The following AGBL3 variants were observed in gnomAD, a reference collection of about 807,000 sequenced individuals.
AGBL3 encodes AGBL carboxypeptidase 3, also known as cytosolic carboxypeptidase 3.
In AGBL3, 68 loss-of-function variants were observed where a neutral mutation model predicts 94.5. That is an observed-to-expected ratio of 0.72 (90% CI 0.59 to 0.88). The LOEUF (loss-of-function observed/expected upper bound fraction) is 0.88. AGBL3 is among the 40% of genes least tolerant of loss of function. The pLI is 0.00. For missense variants in AGBL3, 934 were observed against 1,103.8 expected (o/e 0.85, Z 2.18); for synonymous variants, 354 against 370.7 (o/e 0.95, Z 0.52).
At chr7:135,100,228 T>C (rs769516367) in intron 15 of AGBL3, 1 of 151,802 alleles carries the variant, frequency 6.6e-6, no homozygotes, top group Non-Finnish European at 1.5e-5. Flanking sequence ...ATAAGATAAT[T>C]ATCTAGCACT....
chr7:135,110,401 G>T (rs1012605338), intron 15 of AGBL3, among the ~76,000 whole-genome samples: 3 of 152,130 alleles, frequency 2.0e-5, no homozygotes, highest in Admixed American at 1.3e-4. Context: ...AAAGCTCCTG[G>T]GGCTCTGTAT....
intron 12 of AGBL3, among the ~76,000 whole-genome samples, chr7:135,062,618 G>A (rs1186544790): frequency 1.3e-5 from 2 of 152,044 alleles, no homozygotes; most frequent in African/African-American, 4.8e-5. Context: ...ATATTGAGAT[G>A]ATCATAGGGT....
At chr7:135,046,017 G>C (rs1817325728) in intron 11 of AGBL3, 106 bp downstream of exon 11, 1 of 788,694 alleles carries the variant, frequency 1.3e-6, no homozygotes. Flanking sequence ...AATCCCAACT[G>C]TAAGTGGTGG....
intron 4 of AGBL3, among the ~76,000 whole-genome samples, chr7:134,996,257 C>T (rs1584763030): frequency 6.6e-6 from 1 of 152,124 alleles, no homozygotes; most frequent in East Asian, 1.9e-4. Context: ...CTATGTGATG[C>T]ATCTTAGCTT....
intron 4 of AGBL3, among the ~76,000 whole-genome samples, chr7:134,999,091 G>A (rs1811379835): frequency 6.6e-6 from 1 of 152,150 alleles, no homozygotes; most frequent in Non-Finnish European, 1.5e-5. Flanking sequence ...CCATTTTGAT[G>A]TGATATCTTT....
At chr7:135,122,170 A>G (rs1309955959) in intron 16 of AGBL3, among the ~76,000 whole-genome samples, 1 of 152,160 alleles carries the variant, frequency 6.6e-6, no homozygotes, top group African/African-American at 2.4e-5. Flanking sequence ...ATCCATCTCT[A>G]TAGCTCCAGG....
chr7:135,086,163 G>A (rs190671563), intron 15 of AGBL3, among the ~76,000 whole-genome samples: 6 of 152,064 alleles, frequency 3.9e-5, no homozygotes, highest in Admixed American at 1.3e-4. Context: ...AAATACCACT[G>A]ATCTTTGTAT....
chr7:135,048,129 C>G (rs1325109148), intron 11 of AGBL3, among the ~76,000 whole-genome samples: 2 of 151,816 alleles, frequency 1.3e-5, no homozygotes, highest in African/African-American at 4.8e-5. Flanking sequence ...CATTGTGTAT[C>G]CTTGGCACCC....
At chr7:135,090,122 A>G (rs1563252744) in intron 15 of AGBL3, among the ~76,000 whole-genome samples, 1 of 152,144 alleles carries the variant, frequency 6.6e-6, no homozygotes, top group East Asian at 1.9e-4. Flanking sequence ...ACCTGAGGCA[A>G]TAAGACTCAG....
At chr7:135,108,019 A>G (rs1825020443) in intron 15 of AGBL3, among the ~76,000 whole-genome samples, 1 of 151,878 alleles carries the variant, frequency 6.6e-6, no homozygotes, top group African/African-American at 2.4e-5. Flanking sequence ...GGTGGTCTGA[A>G]ATTAGGATTG....
At chr7:135,008,575 C>T (rs1442036197) in intron 4 of AGBL3, among the ~76,000 whole-genome samples, 1 of 149,672 alleles carries the variant, frequency 6.7e-6, no homozygotes, top group Non-Finnish European at 1.5e-5. Flanking sequence ...TTGGATTTGG[C>T]AATGGATTCT....
chr7:135,004,796 CTGAG>C (rs1364816578), intron 4 of AGBL3, among the ~76,000 whole-genome samples: 1 of 151,366 alleles, frequency 6.6e-6, no homozygotes, highest in Non-Finnish European at 1.5e-5. Flanking sequence ...TTTTTCTCCC[CTGAG>C]TATGTTGGTA....
intron 5 of AGBL3, among the ~76,000 whole-genome samples, chr7:135,018,046 G>A (rs1399209153): frequency 6.6e-6 from 1 of 152,158 alleles, no homozygotes; most frequent in Non-Finnish European, 1.5e-5. Context: ...CATACTCAGA[G>A]TAATTTAATA....
At chr7:134,990,457 A>C (rs1199132406) in intron 3 of AGBL3, among the ~76,000 whole-genome samples, 2 of 152,206 alleles carry the variant, frequency 1.3e-5, no homozygotes, top group Non-Finnish European at 2.9e-5. Context: ...GAGGTATTCC[A>C]TTATGTGAAT....
Position 135,125,122 on chromosome 7 carries a change from T to A in AGBL3, c.2342+9511T>A, listed in dbSNP as rs181846049. Among the ~76,000 whole-genome samples the A allele has an allele frequency of 7.2e-3, 1,094 of 151,678 alleles. 15 individuals carry two copies. Among genetic ancestry groups the A allele is most frequent in the African/African-American group, 0.025 (1,020 of 41,360 alleles). On this transcript the variant is annotated intron_variant, in intron 16 of 16. Transcript: ENST00000436302. ...TCACTGACTCCAGCAGCTGTTTTTT[T>A]AAAAAAATTAACAAAATAGACCACT...
At chr7:135,070,823 G>A (rs1440810392) in intron 12 of AGBL3, among the ~76,000 whole-genome samples, 1 of 152,036 alleles carries the variant, frequency 6.6e-6, no homozygotes, top group East Asian at 1.9e-4. Flanking sequence ...CACAAGACAG[G>A]GATGCCCTCT....
Position 135,086,008 on chromosome 7 carries a change from T to C in AGBL3, c.2110+4218T>C, listed in dbSNP as rs145153378. 2.6e-3 allele frequency among the ~76,000 whole-genome samples: 390 copies of C among 152,162 alleles called. 1 individual carries two copies. The highest frequency in any genetic ancestry group is 8.7e-3 in the African/African-American group (363 of 41,572). Reference sequence around the variant, plus strand: ...TGTCTATTTGTATCCTCCTCAATTTTTTTCATCAGTGTTGTATAGTTTTCC... The same window carrying C: ...TGTCTATTTGTATCCTCCTCAATTTCTTTCATCAGTGTTGTATAGTTTTCC... On this transcript the variant is annotated intron_variant, in intron 15 of 16. Coordinates refer to ENST00000436302, the MANE Select transcript of AGBL3 (RefSeq NM_178563.4).
chr7:135,021,164 CA>C, intron 5 of AGBL3, among the ~76,000 whole-genome samples: 1 of 152,116 alleles, frequency 6.6e-6, no homozygotes, highest in Non-Finnish European at 1.5e-5. Context: ...CATTCTGTTC[CA>C]TTGATGTATT....
At chr7:135,084,735 T>C (rs1821195051) in intron 15 of AGBL3, among the ~76,000 whole-genome samples, 1 of 152,104 alleles carries the variant, frequency 6.6e-6, no homozygotes, top group African/African-American at 2.4e-5. Context: ...TTCTTTATCA[T>C]TTCATCTGTT....
Sources: allele counts gnomAD v4.1 joint callset (sites outside exome capture counted in the v4.1 genomes callset), GRCh38; gene constraint gnomAD v4.1.1; transcripts MANE v1.5; gene names NCBI Gene and HGNC (gene_info 2026-07-23, HGNC 2026-07-21).